RB1: variants seen among roughly 807,000 people sequenced by gnomAD.
RB1 encodes the protein RB transcriptional corepressor 1.
In RB1, 18 loss-of-function variants were observed where a neutral mutation model predicts 135.4. That is an observed-to-expected ratio of 0.13 (90% CI 0.09 to 0.20). The LOEUF (loss-of-function observed/expected upper bound fraction) is 0.20, where lower values mean the gene tolerates loss of function less well. RB1 is among the 10% of genes least tolerant of loss of function. RB1 has a pLI of 1.00. For missense variants in RB1, 868 were observed against 1,110.0 expected (o/e 0.78, Z 3.10); for synonymous variants, 365 against 373.2 (o/e 0.98, Z 0.25).
At chr13:48,342,464 G>A (rs1952454165) in intron 2 of RB1, 135 bp from the exon 3 acceptor site, 2 of 588,712 alleles carry the variant, frequency 3.4e-6, no homozygotes, top group South Asian at 4.4e-5. Flanking sequence ...AGAAGGATGT[G>A]TTACAAATAT....
At position 48,353,409 on chromosome 13, in the gene RB1, C is replaced by T. The variant is rs546097897; in HGVS notation, c.607+4386C>T. Reference sequence around the variant, plus strand: ...GATTGAACCAGGAAGAAATCCAAAACCTGAACAGACCAATAACAAGTAATG... The same window carrying T: ...GATTGAACCAGGAAGAAATCCAAAATCTGAACAGACCAATAACAAGTAATG... On this transcript the variant is annotated intron_variant, in intron 6 of 26. Coordinates refer to ENST00000267163, the MANE Select transcript of RB1 (RefSeq NM_000321.3). Among the ~76,000 whole-genome samples the T allele has an allele frequency of 1.8e-4, 27 of 152,144 alleles. No individual in the cohort carries two copies. The South Asian group carries it at 5.2e-3, about 29-fold the overall frequency.
chr13:48,396,621 G>A (rs999112513), intron 17 of RB1, among the ~76,000 whole-genome samples: 2 of 152,080 alleles, frequency 1.3e-5, no homozygotes, highest in Admixed American at 6.6e-5. Context: ...CAAAAGCAAT[G>A]GCAACAAAAG....
chr13:48,405,329 G>A (rs1948730081), intron 17 of RB1, among the ~76,000 whole-genome samples: 1 of 152,136 alleles, frequency 6.6e-6, no homozygotes, highest in South Asian at 2.1e-4. Flanking sequence ...GAGTAATAAT[G>A]AATTTGTGTA....
intron 17 of RB1, among the ~76,000 whole-genome samples, chr13:48,423,191 G>A (rs1949031543): frequency 6.6e-6 from 1 of 152,048 alleles, no homozygotes; most frequent in South Asian, 2.1e-4. Context: ...GTAATGCATC[G>A]GTTTTTAAAA....
chr13:48,312,048 GA>G lies in RB1; in HGVS notation c.264+4644del, dbSNP rs1367317823. Among the ~76,000 whole-genome samples, 6 of 152,142 alleles carry G rather than the reference GA, an allele frequency of 3.9e-5. No individual in the cohort carries two copies. The East Asian group carries it at 1.2e-3, about 29-fold the overall frequency. Reference sequence around the variant, plus strand: ...TTATCCTTGGGTACATACAAGTTTAGAATTTTTATGCCTTTTAGGTAAATTG... The same window carrying G: ...TTATCCTTGGGTACATACAAGTTTAGATTTTTATGCCTTTTAGGTAAATTG... On this transcript the variant is annotated intron_variant, in intron 2 of 26. Coordinates refer to ENST00000267163, the MANE Select transcript of RB1 (RefSeq NM_000321.3).
chr13:48,461,888 A>G (rs1474413494), intron 20 of RB1, among the ~76,000 whole-genome samples: 4 of 152,138 alleles, frequency 2.6e-5, no homozygotes, highest in Non-Finnish European at 4.4e-5. Context: ...GCTAGAGTGC[A>G]GTGGCACGAT....
chr13:48,399,417 G>A (rs945282434), intron 17 of RB1, among the ~76,000 whole-genome samples: 1 of 151,862 alleles, frequency 6.6e-6, no homozygotes, highest in Non-Finnish European at 1.5e-5. Flanking sequence ...AGATAGATAA[G>A]CAGAAAGAAT....
At position 48,376,932 on chromosome 13, in the gene RB1, T is replaced by A. The variant is rs1952831033; in HGVS notation, c.1230T>A (p.Asn410Lys). The A allele has an allele frequency of 1.2e-6, 2 of 1,613,542 alleles. No homozygotes were observed. The highest frequency in any genetic ancestry group is 2.2e-5 in the South Asian group (2 of 91,080). The change falls in exon 13 of 27, where the codon AAT becomes AAA. Residue 410 changes from asparagine to lysine, a missense_variant. Asn to Lys is a moderately conservative substitution (Grantham distance 94). Around this residue, in one of 3 missense-constraint regions of RB1, gnomAD observed 641 missense variants for 791.3 expected, o/e 0.81. Transcript: ENST00000267163. ...LISYFNNCTV[N>K]PKESILKRVK... ...ACCTCCTAAAGAACTGCACAGTGAA[T>A]CCAAAAGAAAGTATACTGAAAAGAG...
chr13:48,436,063 T>C (rs1949180333), intron 17 of RB1, among the ~76,000 whole-genome samples: 1 of 152,202 alleles, frequency 6.6e-6, no homozygotes, highest in Admixed American at 6.5e-5. Context: ...ATGAAAAGAT[T>C]AGGTCCTGGA....
At chr13:48,433,411 G>A (rs187857324) in intron 17 of RB1, among the ~76,000 whole-genome samples, 2 of 152,052 alleles carry the variant, frequency 1.3e-5, no homozygotes, top group Admixed American at 1.3e-4. Flanking sequence ...ATTTGAAGAA[G>A]AGAATTGGGA....
In RB1 at chr13:48,409,570, A is replaced by ATT. The variant is rs5803435; in HGVS notation, c.1695+28155_1695+28156dup. On this transcript the variant is annotated intron_variant, in intron 17 of 26. Transcript: ENST00000267163. ...TTAGTTAACTTTGGAGAACTGCTTG[A>ATT]TTTTTTTTTTTTTTTTTTTTTTTTT... is the stretch of plus-strand genomic sequence containing the variant. 6.7e-3 allele frequency among the ~76,000 whole-genome samples: 399 copies of ATT among 59,692 alleles called. 53 individuals are homozygous for ATT. Among genetic ancestry groups the ATT allele is most frequent in the African/African-American group, 0.023 (353 of 15,362 alleles). 39.2% of individuals were successfully genotyped at this position (59,692 alleles called of 152,430 possible).
intron 17 of RB1, chr13:48,411,262 C>CT: frequency 3.8e-6 from 3 of 792,836 alleles, no homozygotes; most frequent in Non-Finnish European, 2.2e-6. Context: ...TTTCTTTATA[C>CT]TAAAGACTTT....
At chr13:48,328,265 T>A (rs1952304642) in intron 2 of RB1, 1 of 1,560,638 alleles carries the variant, frequency 6.4e-7, no homozygotes, top group Non-Finnish European at 8.8e-7. Context: ...ATTCACTATC[T>A]TCATCTTCAT....
chr13:48,394,132 C>T (rs1279718275), intron 17 of RB1, among the ~76,000 whole-genome samples: 1 of 152,142 alleles, frequency 6.6e-6, no homozygotes, highest in East Asian at 1.9e-4. Flanking sequence ...CATCACCTCA[C>T]CCGGGAAGCA....
intron 13 of RB1, among the ~76,000 whole-genome samples, chr13:48,378,883 A>T (rs887072430): frequency 6.6e-6 from 1 of 152,208 alleles, no homozygotes; most frequent in African/African-American, 2.4e-5. Context: ...AAACGTTGTT[A>T]TGCGGTGCAT....
At chr13:48,476,018 T>C (rs1949502048) in intron 24 of RB1, among the ~76,000 whole-genome samples, 1 of 152,212 alleles carries the variant, frequency 6.6e-6, no homozygotes, top group Non-Finnish European at 1.5e-5. Flanking sequence ...ATACATTTAA[T>C]AGCAGCACGG....
At chr13:48,458,923 A>G (rs1034229408) in intron 19 of RB1, among the ~76,000 whole-genome samples, 1 of 152,182 alleles carries the variant, frequency 6.6e-6, no homozygotes, top group African/African-American at 2.4e-5. Context: ...TTGGTATTTT[A>G]TAGAGAAATG....
At chr13:48,400,525 TG>T (rs1255338250) in intron 17 of RB1, among the ~76,000 whole-genome samples, 2 of 152,140 alleles carry the variant, frequency 1.3e-5, no homozygotes, top group Non-Finnish European at 2.9e-5. Context: ...TTTGTGTTTG[TG>T]AGTGTTACTA....
intron 8 of RB1, among the ~76,000 whole-genome samples, chr13:48,364,540 A>T (rs1478662398): frequency 2.6e-5 from 4 of 152,172 alleles, no homozygotes. Context: ...TCTTTATGTT[A>T]TTGGTTGGCT....
Sources: gnomAD v4.1 joint callset for allele counts (sites outside exome capture counted in the v4.1 genomes callset) on GRCh38, gnomAD v4.1.1 for gene constraint, gnomAD v4.1.1 regional missense constraint, MANE v1.5 for transcripts, NCBI Gene and HGNC (gene_info 2026-07-23, HGNC 2026-07-21) for gene names.